The following LUC7L2 variants were observed in gnomAD, a reference collection of about 807,000 sequenced individuals.
The protein encoded by LUC7L2 is putative RNA-binding protein Luc7-like 2.
A neutral mutation model predicts 52.8 loss-of-function variants in LUC7L2; 25 were observed. The observed-to-expected ratio is 0.47, with a 90% confidence interval of 0.34 to 0.66. The LOEUF (loss-of-function observed/expected upper bound fraction) is 0.66. Ranked by LOEUF, LUC7L2 falls within the 30% of genes least tolerant of loss-of-function variation. The pLI, the probability that LUC7L2 is intolerant of heterozygous loss-of-function variation, is 0.01. For synonymous variants in LUC7L2, 144 were observed against 160.9 expected (o/e 0.89, Z 0.80); for missense variants, 328 against 497.8 (o/e 0.66, Z 3.25).
intron 2 of LUC7L2, among the ~76,000 whole-genome samples, chr7:139,387,733 A>G (rs1324266904): frequency 6.6e-6 from 1 of 152,198 alleles, no homozygotes; most frequent in Non-Finnish European, 1.5e-5. Context: ...TTGAATGAAT[A>G]AATCGTATAA....
intron 4 of LUC7L2, among the ~76,000 whole-genome samples, chr7:139,403,094 G>T (rs1368420455): frequency 3.3e-5 from 5 of 152,166 alleles, no homozygotes; most frequent in East Asian, 3.8e-4. Context: ...CATTCAAGTT[G>T]TGTGTATCAG....
chr7:139,381,284 T>C (rs932479918), intron 2 of LUC7L2, among the ~76,000 whole-genome samples: 1 of 152,172 alleles, frequency 6.6e-6, no homozygotes, highest in Non-Finnish European at 1.5e-5. Flanking sequence ...TGAAACATCC[T>C]TGGAGGCAGC....
At chr7:139,417,215 A>G (rs1291706189) in intron 8 of LUC7L2, 1 of 197,604 alleles carries the variant, frequency 5.1e-6, no homozygotes, top group Non-Finnish European at 1.1e-5. Flanking sequence ...TAATTTTTGT[A>G]TGTTTTATAG....
At chr7:139,348,564 C>G (rs186881570) in intron 1 of LUC7L2, among the ~76,000 whole-genome samples, 1 of 151,532 alleles carries the variant, frequency 6.6e-6, no homozygotes, top group East Asian at 2.0e-4. Context: ...ACTAAAAGTA[C>G]AAAAATTAGC....
chr7:139,348,206 C>CT lies in LUC7L2; in HGVS notation c.-26+7699dup, dbSNP rs969101850. Among the ~76,000 whole-genome samples, 75 of 126,286 alleles carry CT rather than the reference C, an allele frequency of 5.9e-4. 1 individual carries two copies. The highest frequency in any genetic ancestry group is 6.3e-4 in the East Asian group (3 of 4,790). 82.8% of individuals were successfully genotyped at this position (126,286 alleles called of 152,430 possible). A position where few individuals can be genotyped will look rare whatever the true frequency, so the allele number is the denominator to read the frequency against. On this transcript the variant is annotated intron_variant, in intron 1 of 10. Transcript: ENST00000541170. ...TATACAATAATATATAATGTTTTTCCTTTTTTTTTTAATAGAGATGGGGGT... is the reference window on the plus strand; with the variant it reads ...TATACAATAATATATAATGTTTTTCCTTTTTTTTTTTAATAGAGATGGGGGT...
chr7:139,408,314 T>C (rs533753111), intron 6 of LUC7L2, among the ~76,000 whole-genome samples: 1 of 152,284 alleles, frequency 6.6e-6, no homozygotes, highest in Non-Finnish European at 1.5e-5. Flanking sequence ...GGTTCCTACT[T>C]GGGAGTCTTT....
chr7:139,391,584 T>C lies in LUC7L2; in HGVS notation c.157-7015T>C, dbSNP rs190369426. Among the ~76,000 whole-genome samples the C allele has an allele frequency of 5.9e-5, 9 of 152,238 alleles. No homozygotes were observed. In the East Asian group the frequency reaches 1.7e-3, roughly 29 times the overall value. ...CAATTTTTTTTCTCTAAAATTAAAT[T>C]GGCTTCTTTTTTTTTGGTGGGGGGG... On this transcript the variant is annotated intron_variant, in intron 2 of 9. Transcript: ENST00000354926.
chr7:139,341,373 A>G, intron 1 of LUC7L2: 8 of 1,604,328 alleles, frequency 5.0e-6, no homozygotes, highest in Non-Finnish European at 6.0e-6. Context: ...ACGCTCGGAG[A>G]AGGACAGGAC....
intron 2 of LUC7L2, among the ~76,000 whole-genome samples, chr7:139,383,838 A>G (rs1369481602): frequency 6.9e-6 from 1 of 145,636 alleles, no homozygotes; most frequent in Non-Finnish European, 1.5e-5. Flanking sequence ...GGTTCAGGTG[A>G]TTCTCCTGCC....
chr7:139,422,045 T>A, intron 9 of LUC7L2, 118 bp from the exon 10 acceptor site: 1 of 1,424,000 alleles, frequency 7.0e-7, no homozygotes. Context: ...GACTCCTCTG[T>A]CATGGGTATA....
At chr7:139,367,832 G>A (rs1032580402) in intron 1 of LUC7L2, among the ~76,000 whole-genome samples, 1 of 152,130 alleles carries the variant, frequency 6.6e-6, no homozygotes, top group African/African-American at 2.4e-5. Context: ...TTTGGTCCAC[G>A]GGGGTCAGTG....
intron 2 of LUC7L2, among the ~76,000 whole-genome samples, chr7:139,389,039 AT>A (rs1258871885): frequency 7.1e-6 from 1 of 141,494 alleles, no homozygotes; most frequent in African/African-American, 2.9e-5. Flanking sequence ...GACACTTCAC[AT>A]TTTTTAAATG....
At chr7:139,352,749 C>T (rs933257865) in intron 1 of LUC7L2, among the ~76,000 whole-genome samples, 1 of 152,064 alleles carries the variant, frequency 6.6e-6, no homozygotes, top group African/African-American at 2.4e-5. Flanking sequence ...GTGATAAGAA[C>T]AAGATGTTCA....
chr7:139,340,713 A>T, intron 1 of LUC7L2: 1 of 389,374 alleles, frequency 2.6e-6, no homozygotes, highest in Non-Finnish European at 4.5e-6. Context: ...CCAGTGGCCT[A>T]ATGGATAAGG....
chr7:139,352,981 T>A (rs892010617), intron 1 of LUC7L2, among the ~76,000 whole-genome samples: 2 of 152,150 alleles, frequency 1.3e-5, no homozygotes, highest in Non-Finnish European at 2.9e-5. Context: ...GCAGATCACC[T>A]GAGGTCAGGA....
chr7:139,408,916 G>A (rs1169785223), intron 6 of LUC7L2, among the ~76,000 whole-genome samples: 1 of 151,764 alleles, frequency 6.6e-6, no homozygotes, highest in Non-Finnish European at 1.5e-5. Flanking sequence ...GGGATGCCAA[G>A]GTGGCCAGAT....
intron 3 of LUC7L2, 99 bp downstream of exon 3, chr7:139,398,796 A>T: frequency 3.7e-6 from 4 of 1,094,872 alleles, no homozygotes; most frequent in Non-Finnish European, 5.1e-6. Context: ...TTAGCAGTTT[A>T]TCCTCTGGTT....
intron 1 of LUC7L2, chr7:139,371,252 T>C: frequency 1.6e-6 from 1 of 614,798 alleles, no homozygotes; most frequent in South Asian, 2.0e-5. Context: ...CTGATTGTTT[T>C]TGTAAATTGC....
At chr7:139,373,536 G>T (rs1800559864) in intron 1 of LUC7L2, among the ~76,000 whole-genome samples, 1 of 152,156 alleles carries the variant, frequency 6.6e-6, no homozygotes, top group Non-Finnish European at 1.5e-5. Flanking sequence ...TATAGAAACA[G>T]ATTCTGATCT....
Sources: gnomAD v4.1 joint callset for allele counts (sites outside exome capture counted in the v4.1 genomes callset) on GRCh38, gnomAD v4.1.1 for gene constraint, MANE v1.5 for transcripts, NCBI Gene and HGNC (gene_info 2026-07-23, HGNC 2026-07-21) for gene names.